Variants in PRKD1 observed in about 807,000 individuals in gnomAD.
PRKD1 encodes the protein protein kinase D1.
Under a neutral mutation model 95.9 loss-of-function variants are expected in PRKD1, and 63 were observed. The ratio of observed to expected loss-of-function variants is 0.66; its 90% CI spans 0.54 to 0.81. The LOEUF (loss-of-function observed/expected upper bound fraction) is 0.81, where lower values mean the gene tolerates loss of function less well. PRKD1 is among the 30% of genes least tolerant of loss of function. The pLI, the probability that PRKD1 is intolerant of heterozygous loss-of-function variation, is 0.00. For missense variants in PRKD1, 1,048 were observed against 1,165.3 expected, an observed-to-expected ratio of 0.90 and a Z score of 1.47; for synonymous variants, 425 against 423.1, an observed-to-expected ratio of 1.00 and a Z score of -0.05.
intron 1 of PRKD1, among the ~76,000 whole-genome samples, chr14:29,893,334 ATTCT>A (rs1426793738): frequency 1.3e-5 from 2 of 151,928 alleles, no homozygotes; most frequent in African/African-American, 4.8e-5. Flanking sequence ...AACCAAAGTT[ATTCT>A]TTCTAAAATA....
chr14:29,863,325 T>G (rs1462874144), intron 1 of PRKD1, among the ~76,000 whole-genome samples: 1 of 152,158 alleles, frequency 6.6e-6, no homozygotes, highest in Non-Finnish European at 1.5e-5. Context: ...AGATATCAGA[T>G]ATAAAAGTGT....
intron 3 of PRKD1, among the ~76,000 whole-genome samples, chr14:29,664,212 A>G (rs900445443): frequency 6.6e-6 from 1 of 152,202 alleles, no homozygotes; most frequent in African/African-American, 2.4e-5. Context: ...ATAAAGGAAT[A>G]TTAATCACAG....
Position 29,638,737 on chromosome 14 carries a change from C to A in PRKD1, c.864G>T (p.Lys288Asn). ...YTRPTVCQYCKKLLKGLFRQG... is the reference protein window; with the variant it reads ...YTRPTVCQYCNKLLKGLFRQG... Reference sequence around the variant, plus strand: ...GCCTGAAAAGCCCCTTCAGAAGCTTCTTGCAGTACTGGCACACTGTGGGCC... The same window carrying A: ...GCCTGAAAAGCCCCTTCAGAAGCTTATTGCAGTACTGGCACACTGTGGGCC... The change falls in exon 5 of 18, where the codon AAG (lysine) becomes AAT (asparagine). Residue 288 changes from lysine to asparagine, a missense_variant. Lys to Asn is a moderately conservative substitution (Grantham distance 94, BLOSUM62 0). Coordinates refer to ENST00000331968, the MANE Select transcript of PRKD1 (RefSeq NM_002742.3). 4 of 1,614,160 alleles carry A rather than the reference C, an allele frequency of 2.5e-6. No homozygotes were observed. Among genetic ancestry groups the A allele is most frequent in the Non-Finnish European group, 3.4e-6 (4 of 1,180,020 alleles).
intron 1 of PRKD1, among the ~76,000 whole-genome samples, chr14:29,830,419 T>C (rs1246233596): frequency 2.0e-5 from 3 of 152,182 alleles, no homozygotes; most frequent in African/African-American, 7.2e-5. Flanking sequence ...TTCTCATTTA[T>C]TTAAGGAATC....
rs187704007 is a variant in PRKD1, at chr14:29,675,992, G to C, written c.404-9784C>G. Among the ~76,000 whole-genome samples the C allele has an allele frequency of 5.1e-4, 59 of 116,380 alleles. 2 individuals carry two copies. The highest frequency in any genetic ancestry group is 1.6e-3 in the African/African-American group (49 of 31,388). 76.3% of individuals were successfully genotyped at this position (116,380 alleles called of 152,430 possible). A position where few individuals can be genotyped will look rare whatever the true frequency, so the allele number is the denominator to read the frequency against. On this transcript the variant is annotated intron_variant, in intron 2 of 17. Transcript: ENST00000331968. ...CGGGGCCTGTCGTGGGGTGGGGGGT[G>C]GGGGGAGGGATAACATTAGGAGATA... is the stretch of plus-strand genomic sequence containing the variant.
At chr14:29,744,259 T>C (rs1281330156) in intron 1 of PRKD1, among the ~76,000 whole-genome samples, 1 of 152,202 alleles carries the variant, frequency 6.6e-6, no homozygotes, top group Non-Finnish European at 1.5e-5. Context: ...TCTTTGCTGC[T>C]CCGCATCTCA....
At position 29,576,983 on chromosome 14, in the gene PRKD1, T is replaced by C; in HGVS notation, c.*255A>G. On this transcript the variant is annotated 3_prime_UTR_variant, in exon 18 of 18. Transcript: ENST00000331968. Reference sequence around the variant, plus strand: ...GTGGAGACAGGTTTAATGCATTAAATATAACATGAATCATTCACAATAACA... The same window carrying C: ...GTGGAGACAGGTTTAATGCATTAAACATAACATGAATCATTCACAATAACA... The C allele has an allele frequency of 5.8e-6, 3 of 516,600 alleles. No homozygotes were observed. The highest frequency in any genetic ancestry group is 1.1e-5 in the Non-Finnish European group (3 of 284,898). The allele number at this position is 516,600 out of a possible 1,614,324, so 32.0% of individuals were successfully genotyped here. A position where few individuals can be genotyped will look rare whatever the true frequency, so the allele number is the denominator to read the frequency against.
At chr14:29,664,809 A>T (rs2139215056) in intron 3 of PRKD1, among the ~76,000 whole-genome samples, 1 of 152,354 alleles carries the variant, frequency 6.6e-6, no homozygotes, top group African/African-American at 2.4e-5. Flanking sequence ...TTTCCACATT[A>T]TGATAAAATT....
At chr14:29,779,740 CT>C (rs1487220522) in intron 1 of PRKD1, among the ~76,000 whole-genome samples, 1 of 152,122 alleles carries the variant, frequency 6.6e-6, no homozygotes, top group Non-Finnish European at 1.5e-5. Flanking sequence ...TCAATGCCAT[CT>C]CCATCAAGCT....
chr14:29,629,776 C>T (rs1015310428), intron 10 of PRKD1, among the ~76,000 whole-genome samples: 2 of 152,018 alleles, frequency 1.3e-5, no homozygotes, highest in Admixed American at 1.3e-4. Flanking sequence ...GAGAATTCTT[C>T]CTGGGATAAA....
chr14:29,696,905 C>G (rs1419442056), intron 2 of PRKD1, among the ~76,000 whole-genome samples: 2 of 152,052 alleles, frequency 1.3e-5, no homozygotes, highest in African/African-American at 4.8e-5. Context: ...CTGTATTGAA[C>G]AGAGGAATTC....
rs1470806577 is a variant in PRKD1, at chr14:29,611,489, G to GA, written c.1906-11673dup. 6.6e-5 allele frequency among the ~76,000 whole-genome samples: 10 copies of GA among 152,072 alleles called. No individual in the cohort carries two copies. The South Asian group carries it at 1.2e-3, about 19-fold the overall frequency. On this transcript the variant is annotated intron_variant, in intron 13 of 17. Transcript: ENST00000331968. ...GGGGGTGGGGGGAGTGAGAACTCAA[G>GA]AAAGACTCACATAGCAGGGATCCTG...
chr14:29,585,533 C>T (rs1892891438), intron 16 of PRKD1, among the ~76,000 whole-genome samples: 2 of 152,024 alleles, frequency 1.3e-5, no homozygotes, highest in South Asian at 4.1e-4. Flanking sequence ...AACTGAAGCC[C>T]AATTGATTCA....
intron 1 of PRKD1, among the ~76,000 whole-genome samples, chr14:29,804,016 C>T (rs1269841145): frequency 1.3e-5 from 2 of 152,076 alleles, no homozygotes; most frequent in South Asian, 2.1e-4. Context: ...CCGAGGGGGG[C>T]GGATCACCTG....
At chr14:29,758,066 G>T (rs905957913) in intron 1 of PRKD1, among the ~76,000 whole-genome samples, 3 of 152,008 alleles carry the variant, frequency 2.0e-5, no homozygotes, top group African/African-American at 7.2e-5. Flanking sequence ...TTTCCTGGGT[G>T]TGTCTCTTTC....
chr14:29,589,437 T>C, intron 16 of PRKD1, among the ~76,000 whole-genome samples: 1 of 152,216 alleles, frequency 6.6e-6, no homozygotes. Flanking sequence ...ATATGTGTTA[T>C]AATTCTGAGC....
intron 1 of PRKD1, among the ~76,000 whole-genome samples, chr14:29,827,090 GGAGT>G (rs1298421174): frequency 6.6e-6 from 1 of 151,088 alleles, no homozygotes. Context: ...GGGCGGGAAA[GGAGT>G]GAGGGATAAA....
At chr14:29,749,926 G>A (rs555641743) in intron 1 of PRKD1, among the ~76,000 whole-genome samples, 1 of 152,258 alleles carries the variant, frequency 6.6e-6, no homozygotes, top group East Asian at 1.9e-4. Context: ...ATACAAACAT[G>A]AACATTTACA....
intron 1 of PRKD1, among the ~76,000 whole-genome samples, chr14:29,870,530 T>A (rs997827026): frequency 6.6e-6 from 1 of 152,198 alleles, no homozygotes; most frequent in Non-Finnish European, 1.5e-5. Context: ...TCCACAAATG[T>A]TTGTCATTCG....
Sources: gnomAD v4.1 joint callset for allele counts (sites outside exome capture counted in the v4.1 genomes callset) on GRCh38, gnomAD v4.1.1 for gene constraint, MANE v1.5 for transcripts, NCBI Gene and HGNC (gene_info 2026-07-23, HGNC 2026-07-21) for gene names.